Variants in CSMD3 observed in about 807,000 individuals in gnomAD.
The protein encoded by CSMD3 is CUB and Sushi multiple domains 3.
A neutral mutation model predicts 435.2 loss-of-function variants in CSMD3; 177 were observed. The ratio of observed to expected loss-of-function variants is 0.41; its 90% CI spans 0.36 to 0.46. The LOEUF (loss-of-function observed/expected upper bound fraction) is 0.46. Among genes scored for constraint, CSMD3 ranks in the 20% least tolerant of loss-of-function variants. The pLI is 0.34. For synonymous variants in CSMD3, 1,656 were observed against 1,520.5 expected (o/e 1.09, Z -2.07); for missense variants, 4,265 against 4,504.6 (o/e 0.95, Z 1.52).
At chr8:112,422,627 A>G (rs1268719225) in intron 32 of CSMD3, among the ~76,000 whole-genome samples, 5 of 152,094 alleles carry the variant, frequency 3.3e-5, no homozygotes, top group African/African-American at 1.2e-4. Context: ...ACTCCTTTGG[A>G]TTGTTGTAAA....
In CSMD3 at chr8:113,137,685, T is replaced by C. The variant is rs926611326; in HGVS notation, c.709+36037A>G. 3.3e-5 allele frequency among the ~76,000 whole-genome samples: 5 copies of C among 151,462 alleles called. No individual in the cohort carries two copies. In the Admixed American group the frequency reaches 3.3e-4, roughly 10 times the overall value. ...GAAGGCAGAAGGGCACACCAGACCA[T>C]TTCCCTCTATTAAGCCATTTTATAT... On this transcript the variant is annotated intron_variant, in intron 4 of 70. Coordinates refer to ENST00000297405, the MANE Select transcript of CSMD3 (RefSeq NM_198123.2).
At chr8:113,184,798 C>G (rs1386582553) in intron 3 of CSMD3, among the ~76,000 whole-genome samples, 1 of 152,018 alleles carries the variant, frequency 6.6e-6, no homozygotes, top group East Asian at 1.9e-4. Context: ...TGTCAGACAT[C>G]TGGCATAATT....
At chr8:113,186,533 A>T (rs2131958753) in intron 3 of CSMD3, among the ~76,000 whole-genome samples, 1 of 152,096 alleles carries the variant, frequency 6.6e-6, no homozygotes, top group African/African-American at 2.4e-5. Flanking sequence ...TGTCAATAGA[A>T]CCCAGCAGCT....
chr8:112,482,805 G>T (rs1819760186), intron 31 of CSMD3, among the ~76,000 whole-genome samples: 1 of 152,256 alleles, frequency 6.6e-6, no homozygotes, highest in South Asian at 2.1e-4. Flanking sequence ...CCTCAAAAAT[G>T]TTGCTTTCTT....
intron 59 of CSMD3, 55 bp from the exon 60 acceptor site, chr8:112,265,645 G>C (rs2130418473): frequency 8.0e-7 from 1 of 1,244,810 alleles, no homozygotes; most frequent in Non-Finnish European, 1.2e-6. Context: ...ATTTAATGGA[G>C]AGGAGTAGTA....
At chr8:113,322,851 T>C (rs564664595) in intron 1 of CSMD3, among the ~76,000 whole-genome samples, 4 of 152,252 alleles carry the variant, frequency 2.6e-5, no homozygotes, top group South Asian at 2.1e-4. Flanking sequence ...GTTCAAGCGA[T>C]TGTCGTGTCT....
chr8:113,387,428 T>C (rs1269546108), intron 1 of CSMD3, among the ~76,000 whole-genome samples: 1 of 151,786 alleles, frequency 6.6e-6, no homozygotes, highest in African/African-American at 2.4e-5. Flanking sequence ...CTACTGTCTT[T>C]CAAGTACCAC....
rs76067536 is a variant in CSMD3, at chr8:113,027,006, T to C, written c.918-7827A>G. On this transcript the variant is annotated intron_variant, in intron 5 of 70. Coordinates refer to ENST00000297405, the MANE Select transcript of CSMD3 (RefSeq NM_198123.2). ...ATTTCAAACTGTAGATAATGAATTA[T>C]GCTAATTAAGTACTATCCTATTACA... 6.6e-3 allele frequency among the ~76,000 whole-genome samples: 1,001 copies of C among 152,298 alleles called. 11 individuals are homozygous for C. Among genetic ancestry groups the C allele is most frequent in the African/African-American group, 0.023 (960 of 41,568 alleles).
At chr8:112,787,671 G>A (rs1362769288) in intron 13 of CSMD3, among the ~76,000 whole-genome samples, 1 of 152,060 alleles carries the variant, frequency 6.6e-6, no homozygotes, top group Non-Finnish European at 1.5e-5. Context: ...CATGTAAAGT[G>A]AAATAAGCCA....
At chr8:113,209,177 ACT>A (rs1182849351) in intron 3 of CSMD3, among the ~76,000 whole-genome samples, 1 of 152,172 alleles carries the variant, frequency 6.6e-6, no homozygotes, top group Non-Finnish European at 1.5e-5. Context: ...TATGTGTGAC[ACT>A]GTTTTATGTA....
At chr8:112,525,518 A>C (rs1586597741) in intron 27 of CSMD3, among the ~76,000 whole-genome samples, 1 of 149,354 alleles carries the variant, frequency 6.7e-6, no homozygotes, top group African/African-American at 2.4e-5. Flanking sequence ...CAGGAAATCG[A>C]GACCATCCTG....
At chr8:112,865,683 ACCCC>A (rs780102922) in intron 10 of CSMD3, among the ~76,000 whole-genome samples, 2 of 72,876 alleles carry the variant, frequency 2.7e-5, no homozygotes. Context: ...ACCTTTACAT[ACCCC>A]ACACACACAC....
At chr8:112,722,083 T>C (rs749455672) in intron 13 of CSMD3, among the ~76,000 whole-genome samples, 25 of 151,836 alleles carry the variant, frequency 1.6e-4, no homozygotes, top group Admixed American at 3.3e-4. Context: ...TAAGGCTGTG[T>C]AGGGAATTAT....
intron 7 of CSMD3, among the ~76,000 whole-genome samples, chr8:112,956,004 AGGGCCTGAT>A (rs2084003548): frequency 6.6e-6 from 1 of 151,928 alleles, no homozygotes; most frequent in African/African-American, 2.4e-5. Context: ...TAGTAGAGAA[AGGGCCTGAT>A]GGTTTATGTG....
intron 22 of CSMD3, among the ~76,000 whole-genome samples, chr8:112,603,962 T>A (rs537611125): frequency 6.6e-6 from 1 of 152,190 alleles, no homozygotes; most frequent in South Asian, 2.1e-4. Context: ...ATCTTCATTA[T>A]GTAAATCTAG....
intron 3 of CSMD3, among the ~76,000 whole-genome samples, chr8:113,186,843 C>G (rs924316084): frequency 1.3e-5 from 2 of 151,924 alleles, no homozygotes; most frequent in African/African-American, 2.4e-5. Context: ...GTAGTTGTTG[C>G]TGGGAGAAGT....
chr8:112,348,058 G>A (rs1215917268), intron 40 of CSMD3, among the ~76,000 whole-genome samples: 2 of 152,098 alleles, frequency 1.3e-5, no homozygotes, highest in Non-Finnish European at 2.9e-5. Context: ...AAAGAAAACA[G>A]AATAGAGTAA....
At chr8:112,989,936 C>T (rs1786506811) in intron 6 of CSMD3, among the ~76,000 whole-genome samples, 1 of 151,916 alleles carries the variant, frequency 6.6e-6, no homozygotes, top group African/African-American at 2.4e-5. Flanking sequence ...GCAGTTTTCC[C>T]CCTACTGTTC....
chr8:113,300,564 A>G (rs1210463464), intron 2 of CSMD3, among the ~76,000 whole-genome samples: 2 of 152,174 alleles, frequency 1.3e-5, no homozygotes, highest in Non-Finnish European at 2.9e-5. Flanking sequence ...GGAGGCCATT[A>G]TCCTAAGCAA....
Sources: allele counts gnomAD v4.1 joint callset (sites outside exome capture counted in the v4.1 genomes callset), GRCh38; gene constraint gnomAD v4.1.1; transcripts MANE v1.5; gene names NCBI Gene and HGNC (gene_info 2026-07-23, HGNC 2026-07-21).